Variants in LLGL2 observed in about 807,000 individuals in gnomAD.
LLGL2 encodes LLGL scribble cell polarity complex component 2.
A neutral mutation model predicts 123.2 loss-of-function variants in LLGL2; 81 were observed. The observed-to-expected ratio is 0.66, with a 90% CI of 0.55 to 0.79. The LOEUF is 0.79. Among genes scored for constraint, LLGL2 ranks in the 30% least tolerant of loss-of-function variants. LLGL2 has a pLI of 0.00. For synonymous variants in LLGL2, 577 were observed against 594.1 expected (o/e 0.97, Z 0.42); for missense variants, 1,273 against 1,414.6 (o/e 0.90, Z 1.61).
Position 75,571,000 on chromosome 17 carries a change from G to A in LLGL2, c.2076G>A (p.Glu692=). Residue 692 remains glutamate (E), a synonymous_variant, in exon 17 of 26, where the codon GAG becomes GAA. Coordinates refer to ENST00000392550, the MANE Select transcript of LLGL2 (RefSeq NM_001031803.2). ...KAERPGLQNM[E]LAPVQRKIEA... is the part of the protein sequence containing the mutation. The stretch of plus-strand genomic sequence containing the variant: ...AGCGGCCAGGCCTCCAGAACATGGA[G>A]CTGGCGCCTGTGCAGCGCAAGATCG... The A allele has an allele frequency of 6.2e-7, 1 of 1,612,966 alleles. No individual in the cohort carries two copies. Among genetic ancestry groups the A allele is most frequent in the East Asian group, 2.2e-5 (1 of 44,884 alleles).
At chr17:75,551,949 T>G (rs1172193043) in intron 2 of LLGL2, among the ~76,000 whole-genome samples, 1 of 152,118 alleles carries the variant, frequency 6.6e-6, no homozygotes, top group Admixed American at 6.6e-5. Flanking sequence ...GCCAACATGG[T>G]GAAACCCCAT....
rs1442795158 is a variant in LLGL2 at position 75,564,552 on chromosome 17, G to T, written c.1036+45G>T. 13 of 1,610,870 alleles carry T rather than the reference G, an allele frequency of 8.1e-6. No homozygotes were observed. The South Asian group carries it at 8.8e-5, about 11-fold the overall frequency. The stretch of plus-strand genomic sequence containing the variant: ...GGGTGCCCAGGGTTAGGTGTGGGAG[G>T]CATGGGGCAGGACCATCAGTAAAGA... On this transcript the variant is annotated intron_variant, in intron 10 of 25. Coordinates refer to ENST00000392550, the MANE Select transcript of LLGL2 (RefSeq NM_001031803.2). The surrounding 1 kb of genome is among the most constrained non-coding windows in gnomAD (Gnocchi z 4.9).
chr17:75,541,738 TTTTTTTTTG>T (rs2054215632), intron 1 of LLGL2, among the ~76,000 whole-genome samples: 1 of 142,840 alleles, frequency 7.0e-6, no homozygotes, highest in Non-Finnish European at 1.5e-5. Flanking sequence ...TTTTTTTTTT[TTTTTTTTTG>T]AGATACTGTT....
At chr17:75,571,205 A>G (rs1186998765) in intron 17 of LLGL2, 105 bp downstream of exon 17, 4 of 1,124,270 alleles carry the variant, frequency 3.6e-6, no homozygotes, top group Admixed American at 2.2e-5. Flanking sequence ...GGTAGGAGCT[A>G]AGAGGTTTCC....
At chr17:75,541,715 CTTTTTTTTTTTTTTT>C (rs56656168) in intron 1 of LLGL2, among the ~76,000 whole-genome samples, 92 of 31,550 alleles carry the variant, frequency 2.9e-3, no homozygotes, top group Admixed American at 0.011. Context: ...TGTGGCTCTG[CTTTTTTTTTTTTTTT>C]TTTTTTTTTT....
chr17:75,562,104 C>T (rs2055245923), intron 6 of LLGL2, among the ~76,000 whole-genome samples: 1 of 150,520 alleles, frequency 6.6e-6, no homozygotes, highest in African/African-American at 2.5e-5. Context: ...TTGCTGTTGG[C>T]TGTTGGTCCT....
intron 20 of LLGL2, 59 bp downstream of exon 20, chr17:75,573,337 T>C: frequency 3.2e-6 from 5 of 1,559,808 alleles, no homozygotes; most frequent in Non-Finnish European, 3.5e-6. Context: ...ACGGGAAGGG[T>C]GGCCAGGGGT....
chr17:75,558,331 G>A lies in LLGL2; in HGVS notation c.255+95G>A, dbSNP rs1011155125. On this transcript the variant is annotated intron_variant, in intron 4 of 25. Transcript: ENST00000392550. This position sits in a 1 kb window ranked among gnomAD's most constrained non-coding sequence, Gnocchi z 4.0. ...TGGTGTGGAGAGGCTGGCATTCGGT[G>A]GCCCTGGGTTTGCTGCTGATGGAAA... The A allele has an allele frequency of 1.5e-6, 2 of 1,337,298 alleles. No homozygotes were observed. The highest frequency in any genetic ancestry group is 1.0e-6 in the Non-Finnish European group (1 of 960,712). The allele number at this position is 1,337,298 out of a possible 1,614,324, so 82.8% of individuals were successfully genotyped here. A position where few individuals can be genotyped will look rare whatever the true frequency, so the allele number is the denominator to read the frequency against.
chr17:75,555,942 G>A (rs774640862), intron 2 of LLGL2, 104 bp from the exon 3 acceptor site: 13 of 841,688 alleles, frequency 1.5e-5, no homozygotes, highest in East Asian at 1.5e-4. Context: ...GAAAGGTACC[G>A]AAGCCCTGCT....
intron 6 of LLGL2, among the ~76,000 whole-genome samples, chr17:75,560,826 A>ATTTTTTTTTTTTTTTTTTTTTTTTTTTTT (rs1303989828): frequency 1.0e-5 from 1 of 98,030 alleles, no homozygotes; most frequent in Non-Finnish European, 2.0e-5. Context: ...AAAAAAAAAA[A>ATTTTTTTTTTTTTTTTTTTTTTTTTTTTT]AAAAAACAAA....
At chr17:75,574,557 C>A in intron 24 of LLGL2, 53 bp from the exon 25 acceptor site, 2 of 1,597,716 alleles carry the variant, frequency 1.3e-6, no homozygotes, top group Non-Finnish European at 8.5e-7. Context: ...CTCAGGGGAG[C>A]GCTGAGAGTG....
Position 75,559,291 on chromosome 17 carries a change from A to T in LLGL2, c.411A>T (p.Pro137=). The T allele has an allele frequency of 6.2e-7, 1 of 1,612,908 alleles. No homozygotes were observed. Among genetic ancestry groups the T allele is most frequent in the Non-Finnish European group, 8.5e-7 (1 of 1,179,778 alleles). Residue 137 remains proline (P), a synonymous_variant, in exon 6 of 26, where the codon CCA becomes CCT. Coordinates refer to ENST00000392550, the MANE Select transcript of LLGL2 (RefSeq NM_001031803.2). The surrounding 1 kb of genome is among the most constrained non-coding windows in gnomAD (Gnocchi z 4.6). ...PSATQITVVL[P]HSSCELLYLG... Reference sequence around the variant, plus strand: ...CCACACAGATCACCGTGGTCCTGCCACATTCCTCCTGCGAGCTGCTCTACC... The same window carrying T: ...CCACACAGATCACCGTGGTCCTGCCTCATTCCTCCTGCGAGCTGCTCTACC...
rs2055717869 is a variant in LLGL2 at position 75,571,731 on chromosome 17, G to A, written c.2241G>A (p.Leu747=). 1.9e-6 allele frequency: 3 copies of A among 1,609,520 alleles called. No homozygotes were observed. The highest frequency in any genetic ancestry group is 2.5e-6 in the Non-Finnish European group (3 of 1,179,988). Reference sequence around the variant, plus strand: ...GGGGCACCATCTATGCCTTCTCCCTGCGTGTGCCTCCCGCCGAGCGGAGAA... The same window carrying A: ...GGGGCACCATCTATGCCTTCTCCCTACGTGTGCCTCCCGCCGAGCGGAGAA... The part of the protein sequence containing the change: ...TNGGTIYAFS[L]RVPPAERRMD... The change falls in exon 18 of 26, where the codon CTG becomes CTA. Residue 747 remains leucine, a synonymous_variant. Transcript: ENST00000392550.
intron 1 of LLGL2, among the ~76,000 whole-genome samples, chr17:75,528,899 C>G (rs961372636): frequency 1.3e-5 from 2 of 152,090 alleles, no homozygotes; most frequent in Non-Finnish European, 2.9e-5. Flanking sequence ...TGGCTTATGC[C>G]TGTAATCCCA....
chr17:75,535,657 A>G (rs2053973649), intron 1 of LLGL2, among the ~76,000 whole-genome samples: 1 of 152,218 alleles, frequency 6.6e-6, no homozygotes, highest in African/African-American at 2.4e-5. Flanking sequence ...TCCGAGGCAC[A>G]ATCGCATCTG....
chr17:75,573,762 G>T, intron 21 of LLGL2, 131 bp downstream of exon 21: 1 of 1,223,774 alleles, frequency 8.2e-7, no homozygotes, highest in Middle Eastern at 2.3e-4. Context: ...CCAGGCTCCG[G>T]CTCTCCTTGC....
intron 1 of LLGL2, among the ~76,000 whole-genome samples, chr17:75,541,302 G>T (rs779014369): frequency 6.6e-6 from 1 of 152,256 alleles, no homozygotes; most frequent in African/African-American, 2.4e-5. Flanking sequence ...CTGACCCAGT[G>T]ACCTTGGCCT....
In LLGL2 at chr17:75,563,110, A is replaced by T. The variant is rs748525082; in HGVS notation, c.625A>T (p.Ser209Cys). 48 of 1,613,068 alleles carry T rather than the reference A, an allele frequency of 3.0e-5. No homozygotes were observed. The highest frequency in any genetic ancestry group is 4.1e-5 in the Non-Finnish European group (48 of 1,180,040). Residue 209 changes from serine (S) to cysteine (C), a missense_variant, in exon 7 of 26, where the codon AGC becomes TGC. Coordinates refer to ENST00000392550, the MANE Select transcript of LLGL2 (RefSeq NM_001031803.2). ...CCCCAACCAGATCCTGATCGGCTAC[A>T]GCCGAGGCCTCGTTGTCATCTGGGA... ...RDPNQILIGY[S>C]RGLVVIWDLQ...
intron 3 of LLGL2, among the ~76,000 whole-genome samples, chr17:75,556,782 T>G (rs2054933312): frequency 1.3e-5 from 2 of 152,160 alleles, no homozygotes; most frequent in Admixed American, 1.3e-4. Flanking sequence ...TTTCGGCACT[T>G]TGGGAGGCTG....
Sources: gnomAD v4.1 joint callset for allele counts (sites outside exome capture counted in the v4.1 genomes callset) on GRCh38, gnomAD v4.1.1 for gene constraint, Gnocchi (gnomAD v3.1) non-coding constraint, MANE v1.5 for transcripts, NCBI Gene and HGNC (gene_info 2026-07-23, HGNC 2026-07-21) for gene names.